Variants in ATRNL1 observed in about 807,000 individuals in gnomAD.
The protein encoded by ATRNL1 is attractin-like protein 1.
A neutral mutation model predicts 182.7 loss-of-function variants in ATRNL1; 95 were observed. The observed-to-expected ratio is 0.52, with a 90% CI of 0.44 to 0.62. The LOEUF (loss-of-function observed/expected upper bound fraction) is 0.62, where lower values mean the gene tolerates loss of function less well. Ranked by LOEUF, ATRNL1 falls within the 20% of genes least tolerant of loss-of-function variation. ATRNL1 has a pLI of 0.00. For missense variants in ATRNL1, 1,471 were observed against 1,679.5 expected (o/e 0.88, Z 2.17); for synonymous variants, 576 against 568.3 (o/e 1.01, Z -0.19).
At chr10:115,646,117 A>T (rs1555032351) in intron 26 of ATRNL1, among the ~76,000 whole-genome samples, 1 of 151,630 alleles carries the variant, frequency 6.6e-6, no homozygotes. Context: ...GTTATGGATG[A>T]TCTGTATAAA....
chr10:115,153,626 C>T (rs138906113), intron 5 of ATRNL1, among the ~76,000 whole-genome samples: 246 of 152,090 alleles, frequency 1.6e-3, no homozygotes, highest in African/African-American at 5.5e-3. Flanking sequence ...GACTTGCTAG[C>T]GGTCTATCAA....
intron 22 of ATRNL1, among the ~76,000 whole-genome samples, chr10:115,462,640 A>G (rs1268897568): frequency 6.6e-6 from 1 of 152,042 alleles, no homozygotes; most frequent in Non-Finnish European, 1.5e-5. Context: ...AAAACTAATG[A>G]ATTCAAAGCA....
At chr10:115,915,872 G>C (rs1256688715) in intron 28 of ATRNL1, among the ~76,000 whole-genome samples, 1 of 152,212 alleles carries the variant, frequency 6.6e-6, no homozygotes, top group Non-Finnish European at 1.5e-5. Context: ...CTGGAGAATT[G>C]TATAAGGCCA....
chr10:115,257,206 C>G (rs1269802971), intron 10 of ATRNL1, among the ~76,000 whole-genome samples: 13 of 152,054 alleles, frequency 8.5e-5, no homozygotes, highest in African/African-American at 3.1e-4. Context: ...TCTCATTGAT[C>G]TCTCTAATGT....
chr10:115,857,707 GC>G (rs1362040966), intron 28 of ATRNL1, among the ~76,000 whole-genome samples: 8 of 152,144 alleles, frequency 5.3e-5, no homozygotes, highest in Admixed American at 5.2e-4. Flanking sequence ...AGGATGAGAA[GC>G]TTAAAGAATA....
At chr10:115,453,274 C>G (rs1847363235) in intron 21 of ATRNL1, among the ~76,000 whole-genome samples, 1 of 152,092 alleles carries the variant, frequency 6.6e-6, no homozygotes, top group Non-Finnish European at 1.5e-5. Flanking sequence ...AGACACCGTA[C>G]TGTTTTTCAT....
At chr10:115,475,283 C>G (rs1554972871) in intron 24 of ATRNL1, among the ~76,000 whole-genome samples, 1 of 151,206 alleles carries the variant, frequency 6.6e-6, no homozygotes, top group African/African-American at 2.4e-5. Flanking sequence ...TGTTAAACTA[C>G]TATTTTAATT....
intron 26 of ATRNL1, among the ~76,000 whole-genome samples, chr10:115,675,631 T>A (rs782608192): frequency 5.9e-5 from 9 of 152,076 alleles, no homozygotes; most frequent in Non-Finnish European, 8.8e-5. Flanking sequence ...TGCAGTTATT[T>A]TTATTACAGC....
At chr10:115,653,519 T>C (rs1389511863) in intron 26 of ATRNL1, among the ~76,000 whole-genome samples, 1 of 152,200 alleles carries the variant, frequency 6.6e-6, no homozygotes, top group African/African-American at 2.4e-5. Flanking sequence ...CTAAGTCCTC[T>C]GTTACCCAAA....
chr10:115,131,220 G>A (rs1178010530), intron 5 of ATRNL1, among the ~76,000 whole-genome samples: 1 of 151,892 alleles, frequency 6.6e-6, no homozygotes, highest in Non-Finnish European at 1.5e-5. Flanking sequence ...ACTTGTCTGT[G>A]TGTGTGTATG....
intron 3 of ATRNL1, among the ~76,000 whole-genome samples, chr10:115,127,316 A>G (rs1446886841): frequency 6.6e-6 from 1 of 152,172 alleles, no homozygotes; most frequent in Non-Finnish European, 1.5e-5. Flanking sequence ...GGATAGCAGG[A>G]CAAAAAGGAG....
chr10:115,744,575 T>C (rs2907543), intron 27 of ATRNL1, among the ~76,000 whole-genome samples: 30,335 of 152,050 alleles, frequency 0.2, 3,120 homozygotes, highest in Non-Finnish European at 0.22. Flanking sequence ...TCTAAGTAAG[T>C]TTAATGTTAG....
At chr10:115,628,782 G>A (rs1858284673) in intron 26 of ATRNL1, among the ~76,000 whole-genome samples, 1 of 151,988 alleles carries the variant, frequency 6.6e-6, no homozygotes, top group Non-Finnish European at 1.5e-5. Context: ...TTCTATTTTT[G>A]CAATAGTATT....
chr10:115,131,682 T>C (rs782631511), intron 5 of ATRNL1, among the ~76,000 whole-genome samples: 1 of 152,196 alleles, frequency 6.6e-6, no homozygotes, highest in African/African-American at 2.4e-5. Flanking sequence ...AGGCAATCTT[T>C]ATGAGGTTCA....
intron 26 of ATRNL1, among the ~76,000 whole-genome samples, chr10:115,694,941 G>A (rs202210793): frequency 4.1e-5 from 6 of 144,844 alleles, no homozygotes; most frequent in Non-Finnish European, 7.6e-5. Flanking sequence ...ATGCACACAC[G>A]CACACACACA....
At chr10:115,387,222 A>G (rs1554952933) in intron 19 of ATRNL1, among the ~76,000 whole-genome samples, 1 of 152,164 alleles carries the variant, frequency 6.6e-6, no homozygotes, top group African/African-American at 2.4e-5. Context: ...CAAGCTAGCT[A>G]GGTAAACTAC....
At chr10:115,479,187 T>C (rs11197235) in intron 24 of ATRNL1, among the ~76,000 whole-genome samples, 61,928 of 151,036 alleles carry the variant, frequency 0.41, 13,403 homozygotes, top group Middle Eastern at 0.49. Flanking sequence ...GTTAATACTG[T>C]ACCAAATTTT....
intron 4 of ATRNL1, among the ~76,000 whole-genome samples, 182 bp downstream of exon 4, chr10:115,127,903 G>A (rs1426508608): frequency 6.6e-6 from 1 of 152,056 alleles, no homozygotes; most frequent in South Asian, 2.1e-4. Flanking sequence ...GCCACAAAAC[G>A]TGATCTAAAC....
chr10:115,744,638 CTT>C (rs1244785697), intron 27 of ATRNL1, among the ~76,000 whole-genome samples: 1 of 152,020 alleles, frequency 6.6e-6, no homozygotes, highest in African/African-American at 2.4e-5. Context: ...TATAAACCCT[CTT>C]TTTGCCATAA....
Sources: allele counts gnomAD v4.1 joint callset (sites outside exome capture counted in the v4.1 genomes callset), GRCh38; gene constraint gnomAD v4.1.1; transcripts MANE v1.5; gene names NCBI Gene and HGNC (gene_info 2026-07-23, HGNC 2026-07-21).